MAGI1: variants seen among roughly 807,000 people sequenced by gnomAD.
The protein encoded by MAGI1 is membrane associated guanylate kinase, WW and PDZ domain containing 1.
MAGI1 carries 58 observed loss-of-function variants against 139.9 expected under a neutral mutation model. The observed-to-expected ratio is 0.41, with a 90% CI of 0.34 to 0.52. The LOEUF (loss-of-function observed/expected upper bound fraction) is 0.52. Ranked by LOEUF, MAGI1 falls within the 20% of genes least tolerant of loss-of-function variation. MAGI1 has a pLI of 0.12. For synonymous variants in MAGI1, 812 were observed against 737.9 expected, an observed-to-expected ratio of 1.10 and a Z score of -1.63; for missense variants, 1,874 against 1,901.6, an observed-to-expected ratio of 0.99 and a Z score of 0.27.
chr3:65,824,132 T>C (rs1165679152), intron 1 of MAGI1, among the ~76,000 whole-genome samples: 1 of 152,208 alleles, frequency 6.6e-6, no homozygotes, highest in Non-Finnish European at 1.5e-5. Flanking sequence ...TTAAGAATTG[T>C]TTTCATTAAA....
chr3:65,751,625 G>T (rs1456978306), intron 1 of MAGI1, among the ~76,000 whole-genome samples: 4 of 152,196 alleles, frequency 2.6e-5, no homozygotes, highest in African/African-American at 9.6e-5. Flanking sequence ...GACAAAGGCA[G>T]TTTCCAAATG....
Position 65,756,925 on chromosome 3 carries a change from T to C in MAGI1, c.314-134837A>G, listed in dbSNP as rs17073688. ...GGTAATGAACTTACATCTGAACCCATACACGGAATGCCAAATTTGAAAGTA... is the reference window on the plus strand; with the variant it reads ...GGTAATGAACTTACATCTGAACCCACACACGGAATGCCAAATTTGAAAGTA... On this transcript the variant is annotated intron_variant, in intron 1 of 22. Coordinates refer to ENST00000402939, the MANE Select transcript of MAGI1 (RefSeq NM_001033057.2). 2.1e-3 allele frequency among the ~76,000 whole-genome samples: 321 copies of C among 152,300 alleles called. 7 individuals are homozygous for C. In the East Asian group the frequency reaches 0.045, roughly 21 times the overall value.
chr3:65,999,629 C>G (rs1188163262), intron 1 of MAGI1, among the ~76,000 whole-genome samples: 1 of 152,080 alleles, frequency 6.6e-6, no homozygotes. Context: ...TCTCAAATCA[C>G]TTTCTACACA....
At position 65,557,744 on chromosome 3, in the gene MAGI1, G is replaced by A. The variant is rs116706567; in HGVS notation, c.431-64113C>T. The stretch of plus-strand genomic sequence containing the variant: ...CTTACCACAGTATTTCCAGAACTCT[G>A]TGACAGGCCTCAAAAACATTAGGTG... On this transcript the variant is annotated intron_variant, in intron 2 of 22. Coordinates refer to ENST00000402939, the MANE Select transcript of MAGI1 (RefSeq NM_001033057.2). Among the ~76,000 whole-genome samples the A allele has an allele frequency of 3.2e-3, 488 of 152,248 alleles. 2 individuals carry two copies. The highest frequency in any genetic ancestry group is 0.011 in the African/African-American group (456 of 41,548).
At chr3:65,791,083 TTAAAA>T (rs1258659407) in intron 1 of MAGI1, among the ~76,000 whole-genome samples, 1 of 151,924 alleles carries the variant, frequency 6.6e-6, no homozygotes, top group Non-Finnish European at 1.5e-5. Context: ...AAAAAAAACC[TTAAAA>T]TAAAAATAAA....
chr3:66,012,254 T>A (rs1576457583), intron 1 of MAGI1, among the ~76,000 whole-genome samples: 1 of 152,222 alleles, frequency 6.6e-6, no homozygotes, highest in Middle Eastern at 3.4e-3. Flanking sequence ...TCAAGTAACA[T>A]CTTAGAAATT....
intron 1 of MAGI1, among the ~76,000 whole-genome samples, chr3:66,016,446 G>A (rs888497892): frequency 6.6e-6 from 1 of 152,108 alleles, no homozygotes; most frequent in Non-Finnish European, 1.5e-5. Flanking sequence ...AAGGTGGAAG[G>A]GTCGACTGGG....
At chr3:66,032,932 AAACAAC>A (rs1170483945) in intron 1 of MAGI1, among the ~76,000 whole-genome samples, 3 of 143,770 alleles carry the variant, frequency 2.1e-5, no homozygotes, top group East Asian at 2.1e-4. Flanking sequence ...AAAAAAAAAA[AAACAAC>A]AACAACAACA....
At chr3:65,808,357 G>C (rs1026677841) in intron 1 of MAGI1, among the ~76,000 whole-genome samples, 2 of 151,946 alleles carry the variant, frequency 1.3e-5, no homozygotes, top group African/African-American at 4.8e-5. Context: ...CAAAAAGGCA[G>C]GCATGGTGGC....
chr3:65,833,962 G>A (rs1311153275), intron 1 of MAGI1, among the ~76,000 whole-genome samples: 1 of 152,186 alleles, frequency 6.6e-6, no homozygotes, highest in Non-Finnish European at 1.5e-5. Flanking sequence ...CACATGACTA[G>A]CTATGTAACA....
chr3:65,632,878 T>C (rs181354053), intron 1 of MAGI1, among the ~76,000 whole-genome samples: 156 of 152,314 alleles, frequency 1.0e-3, no homozygotes, highest in Non-Finnish European at 1.7e-3. Flanking sequence ...CAAGTAATAC[T>C]TGGTGTGGAG....
intron 1 of MAGI1, among the ~76,000 whole-genome samples, chr3:65,777,894 CAGTAAACAATCA>C (rs1030742975): frequency 3.3e-5 from 5 of 152,066 alleles, no homozygotes; most frequent in African/African-American, 1.2e-4. Context: ...AACTGGCATG[CAGTAAACAATCA>C]ATAATCCTAA....
At chr3:65,480,470 G>A (rs1056638153) in intron 3 of MAGI1, among the ~76,000 whole-genome samples, 1 of 151,344 alleles carries the variant, frequency 6.6e-6, no homozygotes, top group African/African-American at 2.4e-5. Flanking sequence ...GGGAAGTCAA[G>A]GATACAGTAA....
At chr3:65,413,879 C>A (rs1278253561) in intron 12 of MAGI1, among the ~76,000 whole-genome samples, 1 of 152,078 alleles carries the variant, frequency 6.6e-6, no homozygotes, top group African/African-American at 2.4e-5. Flanking sequence ...AACTGTGAGG[C>A]CGTTTAATGA....
At chr3:65,639,948 G>A (rs2084892529) in intron 1 of MAGI1, among the ~76,000 whole-genome samples, 1 of 150,378 alleles carries the variant, frequency 6.6e-6, no homozygotes, top group African/African-American at 2.5e-5. Context: ...GTTGCAGTGA[G>A]CCAAGATCGT....
intron 1 of MAGI1, among the ~76,000 whole-genome samples, chr3:65,948,980 C>A (rs2063669330): frequency 6.6e-6 from 1 of 152,150 alleles, no homozygotes; most frequent in South Asian, 2.1e-4. Flanking sequence ...GTGACAAGAG[C>A]AAAGCAAATG....
intron 18 of MAGI1, among the ~76,000 whole-genome samples, chr3:65,374,593 C>T (rs1942323557): frequency 1.3e-5 from 2 of 152,170 alleles, no homozygotes; most frequent in Non-Finnish European, 2.9e-5. Context: ...GCTGGGATTA[C>T]AGGCGTGAGA....
chr3:65,372,980 C>T (rs1215838892), intron 18 of MAGI1, among the ~76,000 whole-genome samples: 1 of 152,178 alleles, frequency 6.6e-6, no homozygotes, highest in African/African-American at 2.4e-5. Context: ...AGCAATAAGG[C>T]TGTTTCGCTT....
chr3:65,625,810 GA>G (rs2083940580), intron 1 of MAGI1, among the ~76,000 whole-genome samples: 1 of 152,206 alleles, frequency 6.6e-6, no homozygotes, highest in Non-Finnish European at 1.5e-5. Context: ...AGATCTGGAT[GA>G]AAGGATATTT....
Sources: allele counts gnomAD v4.1 joint callset (sites outside exome capture counted in the v4.1 genomes callset), GRCh38; gene constraint gnomAD v4.1.1; transcripts MANE v1.5; gene names NCBI Gene and HGNC (gene_info 2026-07-23, HGNC 2026-07-21).